NPFFR2: variants seen among roughly 807,000 people sequenced by gnomAD.
The protein encoded by NPFFR2 is G-protein coupled receptor 74.
Under a neutral mutation model 13.1 loss-of-function variants are expected in NPFFR2, and 15 were observed. The observed-to-expected ratio is 1.15, with a 90% CI of 0.77 to 1.76. The LOEUF (loss-of-function observed/expected upper bound fraction) is 1.76. Ranked by LOEUF, NPFFR2 falls within the 40% of genes most tolerant of loss-of-function variation. The pLI, the probability that NPFFR2 is intolerant of heterozygous loss-of-function variation, is 0.00. For missense variants in NPFFR2, 572 were observed against 503.5 expected, an observed-to-expected ratio of 1.14 and a Z score of -1.30; for synonymous variants, 190 against 175.7, an observed-to-expected ratio of 1.08 and a Z score of -0.65.
At chr4:72,079,610 T>C (rs1720548762) in intron 1 of NPFFR2, among the ~76,000 whole-genome samples, 1 of 152,138 alleles carries the variant, frequency 6.6e-6, no homozygotes, top group Admixed American at 6.6e-5. Flanking sequence ...ATAAAATTCA[T>C]AGATCAGACC....
intron 1 of NPFFR2, among the ~76,000 whole-genome samples, chr4:72,085,055 T>TAA (rs11407684): frequency 3.4e-4 from 51 of 150,538 alleles, no homozygotes; most frequent in African/African-American, 7.5e-4. Flanking sequence ...ATAATGTGCT[T>TAA]AAAAAAAAAG....
At chr4:72,102,785 G>A (rs908537653) in intron 1 of NPFFR2, among the ~76,000 whole-genome samples, 1 of 151,958 alleles carries the variant, frequency 6.6e-6, no homozygotes, top group Non-Finnish European at 1.5e-5. Context: ...TGGACATTTG[G>A]CTTGGTTCCA....
chr4:72,110,057 G>A lies in NPFFR2; in HGVS notation c.-7-18528G>A, dbSNP rs528790955. ...GCAACCTGCTTGATATGGTTTGACT[G>A]TGTCCTCACCTAAATCTCATCTTGA... On this transcript the variant is annotated intron_variant, in intron 1 of 3. Coordinates refer to ENST00000308744, the MANE Select transcript of NPFFR2 (RefSeq NM_004885.3). Among the ~76,000 whole-genome samples the A allele has an allele frequency of 2.4e-4, 37 of 152,034 alleles. No individual in the cohort carries two copies. The South Asian group carries it at 5.6e-3, about 23-fold the overall frequency.
At chr4:72,084,100 G>C (rs1720704651) in intron 1 of NPFFR2, among the ~76,000 whole-genome samples, 1 of 152,026 alleles carries the variant, frequency 6.6e-6, no homozygotes, top group Non-Finnish European at 1.5e-5. Context: ...CGACTTTCCT[G>C]CTTCTATTCT....
chr4:72,147,687 G>A lies in NPFFR2; in HGVS notation c.1138G>A (p.Val380Ile). 6.2e-7 allele frequency: 1 copy of A among 1,614,062 alleles called. No homozygotes were observed. Among genetic ancestry groups the A allele is most frequent in the South Asian group, 1.1e-5 (1 of 91,056 alleles). ...HVLINTSNQLVQESTFQNPHG... is the reference protein window; with the variant it reads ...HVLINTSNQLIQESTFQNPHG... ...GCTCATAAACACATCTAATCAGCTT[G>A]TCCAGGAATCTACATTTCAAAACCC... Residue 380 changes from valine (V) to isoleucine (I), a missense_variant, in exon 4 of 4, where the codon GTC becomes ATC. Coordinates refer to ENST00000308744, the MANE Select transcript of NPFFR2 (RefSeq NM_004885.3).
intron 1 of NPFFR2, chr4:72,068,838 GTT>G (rs35549647): frequency 0.026 from 8,239 of 314,558 alleles, 126 homozygotes; most frequent in East Asian, 0.15. Context: ...GAGGTTCTTA[GTT>G]TTTTTTTTTT....
intron 1 of NPFFR2, among the ~76,000 whole-genome samples, chr4:72,077,438 C>T (rs1409972827): frequency 2.6e-5 from 4 of 152,146 alleles, no homozygotes; most frequent in South Asian, 4.1e-4. Context: ...TTCAACCATC[C>T]TCATACACTG....
chr4:72,100,068 G>A (rs1235650341), intron 1 of NPFFR2, among the ~76,000 whole-genome samples: 1 of 152,096 alleles, frequency 6.6e-6, no homozygotes, highest in East Asian at 1.9e-4. Flanking sequence ...AACTTAATAT[G>A]TGGTTATTAT....
At chr4:72,040,592 G>A (rs748475290) in intron 1 of NPFFR2, among the ~76,000 whole-genome samples, 4 of 151,978 alleles carry the variant, frequency 2.6e-5, no homozygotes, top group Non-Finnish European at 5.9e-5. Flanking sequence ...CTTCACAAAT[G>A]TTCTTAGCTT....
chr4:72,146,856 A>G lies in NPFFR2; in HGVS notation c.429-122A>G, dbSNP rs1433172637. The G allele has an allele frequency of 1.5e-5, 10 of 678,394 alleles. No homozygotes were observed. In the East Asian group the frequency reaches 2.5e-4, roughly 17 times the overall value. The allele number at this position is 678,394 out of a possible 1,614,324, so 42.0% of individuals were successfully genotyped here. ...GCATGCCTTTCTACTACAAATGGTA[A>G]CTTTCTATATTTTTGAGGAGACTGT... On this transcript the variant is annotated intron_variant, in intron 3 of 3. Transcript: ENST00000308744.
At chr4:72,100,568 C>G (rs1404830682) in intron 1 of NPFFR2, among the ~76,000 whole-genome samples, 1 of 151,866 alleles carries the variant, frequency 6.6e-6, no homozygotes, top group Admixed American at 6.6e-5. Context: ...ACTACTAATA[C>G]TAGTACTATT....
At chr4:72,122,340 C>G (rs7686252) in intron 1 of NPFFR2, among the ~76,000 whole-genome samples, 1 of 152,214 alleles carries the variant, frequency 6.6e-6, no homozygotes, top group East Asian at 1.9e-4. Context: ...ATTAGACAGA[C>G]TGATGAGACA....
At chr4:72,122,372 G>A (rs1020105223) in intron 1 of NPFFR2, among the ~76,000 whole-genome samples, 1 of 152,080 alleles carries the variant, frequency 6.6e-6, no homozygotes, top group African/African-American at 2.4e-5. Flanking sequence ...AAATATTCAG[G>A]ACTTGAACTC....
intron 2 of NPFFR2, among the ~76,000 whole-genome samples, chr4:72,132,235 T>C (rs1290164546): frequency 6.6e-6 from 1 of 152,032 alleles, no homozygotes; most frequent in African/African-American, 2.4e-5. Flanking sequence ...CACATATAAA[T>C]AGTAACATGT....
chr4:72,050,950 T>C (rs1370121334), intron 1 of NPFFR2, among the ~76,000 whole-genome samples: 1 of 151,968 alleles, frequency 6.6e-6, no homozygotes, highest in Admixed American at 6.6e-5. Context: ...ACTCATCATT[T>C]TTTATGGCTG....
intron 1 of NPFFR2, among the ~76,000 whole-genome samples, chr4:72,086,826 T>C (rs1319150219): frequency 6.6e-6 from 1 of 152,084 alleles, no homozygotes; most frequent in Non-Finnish European, 1.5e-5. Flanking sequence ...GAGCTCCATA[T>C]AAATGTAAGA....
intron 1 of NPFFR2, among the ~76,000 whole-genome samples, chr4:72,069,289 A>G (rs762020615): frequency 2.0e-5 from 3 of 152,174 alleles, no homozygotes; most frequent in African/African-American, 7.2e-5. Flanking sequence ...AAGGTAGTCA[A>G]TAGTAAATTA....
intron 1 of NPFFR2, among the ~76,000 whole-genome samples, chr4:72,071,681 G>A (rs1323611516): frequency 6.6e-6 from 1 of 152,148 alleles, no homozygotes; most frequent in Non-Finnish European, 1.5e-5. Flanking sequence ...AACATAGCTT[G>A]AAGAAGCCTG....
At chr4:72,123,558 TACC>T (rs1721952769) in intron 1 of NPFFR2, among the ~76,000 whole-genome samples, 1 of 152,184 alleles carries the variant, frequency 6.6e-6, no homozygotes, top group South Asian at 2.1e-4. Context: ...TCAAAAAGTT[TACC>T]ACCATGATCA....
Sources: gnomAD v4.1 joint callset for allele counts (sites outside exome capture counted in the v4.1 genomes callset) on GRCh38, gnomAD v4.1.1 for gene constraint, MANE v1.5 for transcripts, NCBI Gene and HGNC (gene_info 2026-07-23, HGNC 2026-07-21) for gene names.